Variants in UNKL observed in about 807,000 individuals in gnomAD.
UNKL encodes the protein putative E3 ubiquitin-protein ligase UNKL.
Under a neutral mutation model 78.0 loss-of-function variants are expected in UNKL, and 60 were observed. The ratio of observed to expected loss-of-function variants is 0.77; its 90% CI spans 0.63 to 0.95. UNKL has a LOEUF of 0.95. Among genes scored for constraint, UNKL ranks in the 40% least tolerant of loss-of-function variants. UNKL has a pLI of 0.00. For synonymous variants in UNKL, 608 were observed against 474.8 expected (o/e 1.28, Z -3.65); for missense variants, 1,159 against 1,045.7 (o/e 1.11, Z -1.49).
chr16:1,390,596 T>G (rs1273509008), intron 9 of UNKL, 36 bp downstream of exon 9: 1 of 1,534,636 alleles, frequency 6.5e-7, no homozygotes, highest in East Asian at 2.4e-5. Context: ...TAACGCGACA[T>G]CAGGCACGAG....
In UNKL at chr16:1,397,725, A is replaced by G. The variant is rs61307852; in HGVS notation, c.735-430T>C. 8.5e-4 allele frequency among the ~76,000 whole-genome samples: 16 copies of G among 18,838 alleles called. 2 individuals are homozygous for G. Among genetic ancestry groups the G allele is most frequent in the Non-Finnish European group, 1.0e-3 (10 of 9,892 alleles). 12.4% of individuals were successfully genotyped at this position (18,838 alleles called of 152,430 possible). A position where few individuals can be genotyped will look rare whatever the true frequency, so the allele number is the denominator to read the frequency against. On this transcript the variant is annotated intron_variant, in intron 5 of 14. Transcript: ENST00000389221. Reference sequence around the variant, plus strand: ...CCCGTGCTTCACGCTGGGGCAGGGCATGGACCTGGGGATGAGGAGGTGTCA... The same window carrying G: ...CCCGTGCTTCACGCTGGGGCAGGGCGTGGACCTGGGGATGAGGAGGTGTCA...
At position 1,403,419 on chromosome 16, in the gene UNKL, C is replaced by G; in HGVS notation, c.288-75G>C. ...AGCCCTAAGCTCCCTGGGTCCACGCCCTGTCAGCACGTGGCAAGCAGTGAA... is the reference window on the plus strand; with the variant it reads ...AGCCCTAAGCTCCCTGGGTCCACGCGCTGTCAGCACGTGGCAAGCAGTGAA... On this transcript the variant is annotated intron_variant, in intron 2 of 14. Transcript: ENST00000389221. This position sits in a 1 kb window ranked among gnomAD's most constrained non-coding sequence, Gnocchi z 4.8. The G allele has an allele frequency of 6.7e-7, 1 of 1,502,182 alleles. No homozygotes were observed. The highest frequency in any genetic ancestry group is 9.0e-7 in the Non-Finnish European group (1 of 1,112,650). 93.1% of individuals were successfully genotyped at this position (1,502,182 alleles called of 1,614,324 possible).
intron 11 of UNKL, among the ~76,000 whole-genome samples, chr16:1,370,694 T>C (rs902249927): frequency 2.6e-5 from 4 of 152,236 alleles, no homozygotes; most frequent in Non-Finnish European, 4.4e-5. Context: ...CTCCCAGCAC[T>C]TGTCCAGGCC....
intron 12 of UNKL, 86 bp from the exon 13 acceptor site, chr16:1,367,944 C>A: frequency 2.4e-6 from 3 of 1,273,974 alleles, no homozygotes; most frequent in Middle Eastern, 2.7e-4. Context: ...CAGGCCCCAC[C>A]GCTACGTGGG....
At chr16:1,383,554 T>C (rs1043833082) in intron 10 of UNKL, 29 of 341,794 alleles carry the variant, frequency 8.5e-5, no homozygotes, top group African/African-American at 4.7e-4. Flanking sequence ...GTCCTGCCGA[T>C]GTGTGGTCTG....
chr16:1,371,187 C>G (rs552581215), intron 11 of UNKL, among the ~76,000 whole-genome samples: 1 of 152,118 alleles, frequency 6.6e-6, no homozygotes, highest in African/African-American at 2.4e-5. Context: ...TCAGGAAAGG[C>G]CCCGCCTGTC....
At position 1,367,331 on chromosome 16, in the gene UNKL, G is replaced by A. The variant is rs1418720946; in HGVS notation, c.1807C>T (p.Arg603Ter). 1.3e-6 allele frequency: 2 copies of A among 1,545,552 alleles called. No individual in the cohort carries two copies. The highest frequency in any genetic ancestry group is 1.7e-6 in the Non-Finnish European group (2 of 1,150,180). ...QVKQVCDAWQ[R>*]EAQEAKERAR... ...CGCTCCTTGGCCTCCTGCGCCTCTCGCTGCCAGGCATCGCAGACCTGAAAC... is the reference window on the plus strand; with the variant it reads ...CGCTCCTTGGCCTCCTGCGCCTCTCACTGCCAGGCATCGCAGACCTGAAAC... Residue 603 changes from arginine to a stop codon, truncating the protein, a stop_gained, in exon 14 of 15, where the codon CGA becomes TGA. Coordinates refer to ENST00000389221, the MANE Select transcript of UNKL (RefSeq NM_001372107.1). LOFTEE classifies it high-confidence loss of function.
In UNKL at chr16:1,367,263, C is replaced by T; in HGVS notation, c.1875G>A (p.Lys625=). 1.3e-6 allele frequency: 2 copies of T among 1,582,728 alleles called. No individual in the cohort carries two copies. Among genetic ancestry groups the T allele is most frequent in the Non-Finnish European group, 1.7e-6 (2 of 1,168,548 alleles). ...ADSDRQLALQ[K]KEEVEAQVKQ... is the part of the protein sequence containing the mutation. ...TCACCTGTGCCTCCACCTCCTCCTT[C>T]TTCTGCAGCGCCAGCTGCCGGTCGC... Residue 625 remains lysine (K), a synonymous_variant, in exon 14 of 15, where the codon AAG becomes AAA. Transcript: ENST00000389221.
chr16:1,406,488 C>G (rs1342170277), intron 2 of UNKL, among the ~76,000 whole-genome samples: 1 of 152,168 alleles, frequency 6.6e-6, no homozygotes, highest in Non-Finnish European at 1.5e-5. Flanking sequence ...GCTGGGATTA[C>G]AGGCGTGAGC....
chr16:1,379,661 C>A (rs1441843452), intron 10 of UNKL: 3 of 984,486 alleles, frequency 3.0e-6, no homozygotes, highest in Non-Finnish European at 3.6e-6. Flanking sequence ...GCGGCCGCCC[C>A]GCGCCGCCGC....
At chr16:1,398,681 A>AGCCCCCCCCCCCCCCCCCC in intron 5 of UNKL, 1 of 694,532 alleles carries the variant, frequency 1.4e-6, no homozygotes, top group Non-Finnish European at 1.9e-6. Flanking sequence ...TGGGGTCTGC[A>AGCCCCCCCCCCCCCCCCCC]CCCCCCCACC....
rs112585238 is a variant in UNKL, at chr16:1,396,391, C to A, written c.852+787G>T. ...CGTCTCAGCCTCCCAAGTTCAAGTG[C>A]TCCTCGCGTCTCAGCCTCCCGAGTA... On this transcript the variant is annotated intron_variant, in intron 6 of 14. Transcript: ENST00000389221. Among the ~76,000 whole-genome samples the A allele has an allele frequency of 1.7e-3, 255 of 150,768 alleles. 2 individuals carry two copies. The highest frequency in any genetic ancestry group is 5.4e-3 in the African/African-American group (220 of 41,024).
intron 12 of UNKL, among the ~76,000 whole-genome samples, chr16:1,368,384 T>C (rs1449159841): frequency 2.0e-5 from 3 of 148,434 alleles, no homozygotes; most frequent in Non-Finnish European, 3.0e-5. Context: ...GGGTGGATCA[T>C]GAGGTCAGGA....
intron 10 of UNKL, among the ~76,000 whole-genome samples, chr16:1,377,751 T>A (rs1293877164): frequency 6.6e-6 from 1 of 152,006 alleles, no homozygotes. Flanking sequence ...CCCTTCCTCC[T>A]CCCTGGCAAA....
chr16:1,375,668 T>C (rs113760272), intron 10 of UNKL, among the ~76,000 whole-genome samples: 87 of 152,086 alleles, frequency 5.7e-4, no homozygotes, highest in African/African-American at 2.0e-3. Flanking sequence ...AGGTTGGGGG[T>C]CGGGGCAGCC....
chr16:1,370,252 G>A lies in UNKL; in HGVS notation c.1463C>T (p.Ser488Leu), dbSNP rs2035691959. 3.3e-6 allele frequency: 5 copies of A among 1,534,258 alleles called. No individual in the cohort carries two copies. The highest frequency in any genetic ancestry group is 1.4e-5 in the African/African-American group (1 of 72,912). The change falls in exon 12 of 15, where the codon TCG (serine) becomes TTG (leucine). Residue 488 changes from serine (S) to leucine (L), a missense_variant. Transcript: ENST00000389221. ...PSSASTSPLG[S>L]LSQPLPGPVG... Reference sequence around the variant, plus strand: ...CGGCCCTGGGAGGGGCTGGGACAGCGAACCGAGCGGCGAGGTGGACGCAGA... The same window carrying A: ...CGGCCCTGGGAGGGGCTGGGACAGCAAACCGAGCGGCGAGGTGGACGCAGA...
Position 1,367,406 on chromosome 16 carries a change from C to A in UNKL, c.1789-57G>T. 6.7e-6 allele frequency: 10 copies of A among 1,496,342 alleles called. No individual in the cohort carries two copies. The South Asian group carries it at 1.3e-4, about 20-fold the overall frequency. The allele number at this position is 1,496,342 out of a possible 1,614,324, so 92.7% of individuals were successfully genotyped here. A position where few individuals can be genotyped will look rare whatever the true frequency, so the allele number is the denominator to read the frequency against. On this transcript the variant is annotated intron_variant, in intron 13 of 14. Coordinates refer to ENST00000389221, the MANE Select transcript of UNKL (RefSeq NM_001372107.1). ...ACCTCACCTGTGCCACCTGCAGACCCTCTTGCCTGTGTCACCAGCGATCCT... is the reference window on the plus strand; with the variant it reads ...ACCTCACCTGTGCCACCTGCAGACCATCTTGCCTGTGTCACCAGCGATCCT...
chr16:1,375,831 G>A lies in UNKL; in HGVS notation c.1265-4220C>T, dbSNP rs544383283. Among the ~76,000 whole-genome samples, 15 of 152,272 alleles carry A rather than the reference G, an allele frequency of 9.9e-5. 1 individual carries two copies. The South Asian group carries it at 2.7e-3, about 27-fold the overall frequency. ...TCCTTCCCATTCACAGGACGGTGGC[G>A]TCCCTGAGCGGACATCCACCCTGGC... On this transcript the variant is annotated intron_variant, in intron 10 of 14. Transcript: ENST00000389221.
In UNKL at chr16:1,390,643, C is replaced by CTTGCTCGA; in HGVS notation, c.1074_1075insTCGAGCAA (p.Asp359SerfsTer23). 1.3e-6 allele frequency: 2 copies of CTTGCTCGA among 1,536,062 alleles called. No individual in the cohort carries two copies. Among genetic ancestry groups the CTTGCTCGA allele is most frequent in the Non-Finnish European group, 1.7e-6 (2 of 1,146,882 alleles). ...TTGGGGGCCTGTACCTGCTTGCTGT[C>CTTGCTCGA]TTGCTCGCTGCCCCTAGGGCCACCC... On this transcript the variant is annotated frameshift_variant, in exon 9 of 15. Transcript: ENST00000389221. LOFTEE classifies it high-confidence loss of function.
Sources: allele counts gnomAD v4.1 joint callset (sites outside exome capture counted in the v4.1 genomes callset), GRCh38; gene constraint gnomAD v4.1.1; non-coding constraint Gnocchi (gnomAD v3.1); transcripts MANE v1.5; gene names NCBI Gene and HGNC (gene_info 2026-07-23, HGNC 2026-07-21).